Variants in AAMDC observed in about 807,000 individuals in gnomAD.
The protein encoded by AAMDC is adipogenesis associated Mth938 domain containing.
Under a neutral mutation model 15.5 loss-of-function variants are expected in AAMDC, and 16 were observed. That is an observed-to-expected ratio of 1.03 (90% CI 0.70 to 1.57). The LOEUF (loss-of-function observed/expected upper bound fraction) is 1.57. Among genes scored for constraint, AAMDC ranks in the 40% most tolerant of loss-of-function variants. The pLI is 0.00. For missense variants in AAMDC, 141 were observed against 144.9 expected, an observed-to-expected ratio of 0.97 and a Z score of 0.14; for synonymous variants, 51 against 51.6, an observed-to-expected ratio of 0.99 and a Z score of 0.05.
chr11:77,833,374 C>A (rs1949542664), intron 1 of AAMDC, among the ~76,000 whole-genome samples: 1 of 152,100 alleles, frequency 6.6e-6, no homozygotes, highest in Admixed American at 6.6e-5. Flanking sequence ...GATCATCAGG[C>A]ATTAGATTTT....
intron 2 of AAMDC, among the ~76,000 whole-genome samples, chr11:77,859,154 A>G (rs576896498): frequency 1.5e-4 from 23 of 152,312 alleles, no homozygotes; most frequent in African/African-American, 4.8e-4. Flanking sequence ...GGAGGAAACT[A>G]TGTCCTCCTG....
At chr11:77,830,337 G>A (rs1303818235) in intron 1 of AAMDC, among the ~76,000 whole-genome samples, 1 of 152,130 alleles carries the variant, frequency 6.6e-6, no homozygotes, top group Non-Finnish European at 1.5e-5. Context: ...AACTGATACT[G>A]CCCTGCCACC....
At chr11:77,836,369 T>C (rs549542406) in intron 1 of AAMDC, among the ~76,000 whole-genome samples, 1 of 151,952 alleles carries the variant, frequency 6.6e-6, no homozygotes, top group South Asian at 2.1e-4. Flanking sequence ...GGTGAATTTA[T>C]AAAAAGAGAA....
chr11:77,886,203 C>CA (rs1255429916), intron 5 of AAMDC, among the ~76,000 whole-genome samples: 5 of 150,066 alleles, frequency 3.3e-5, no homozygotes, highest in Non-Finnish European at 7.4e-5. Context: ...GACCTTGTCT[C>CA]AAAAAAAAGA....
intron 5 of AAMDC, chr11:77,900,516 T>C (rs1057454054): frequency 3.2e-6 from 2 of 616,132 alleles, no homozygotes; most frequent in Non-Finnish European, 5.8e-6. Context: ...AGTATGTTTC[T>C]GTGTTTAAGC....
At chr11:77,835,115 G>A (rs1449943363) in intron 1 of AAMDC, among the ~76,000 whole-genome samples, 1 of 152,180 alleles carries the variant, frequency 6.6e-6, no homozygotes, top group Non-Finnish European at 1.5e-5. Context: ...AGAACAGATA[G>A]ATCTAGCATT....
chr11:77,869,978 G>T, intron 3 of AAMDC, 161 bp downstream of exon 3: 1 of 582,008 alleles, frequency 1.7e-6, no homozygotes, highest in Non-Finnish European at 3.1e-6. Flanking sequence ...TGCCTCATCA[G>T]CGTTGGGCTC....
At chr11:77,836,185 C>G (rs907651976) in intron 1 of AAMDC, among the ~76,000 whole-genome samples, 1 of 150,794 alleles carries the variant, frequency 6.6e-6, no homozygotes, top group Non-Finnish European at 1.5e-5. Context: ...TTTCCTCAAA[C>G]ATATTTATTT....
intron 2 of AAMDC, chr11:77,855,439 C>T: frequency 1.2e-5 from 2 of 173,470 alleles, no homozygotes; most frequent in South Asian, 1.1e-4. Flanking sequence ...CCTGCCTCAG[C>T]CTCCCAAGTA....
chr11:77,875,916 G>C (rs943559212), downstream of AAMDC, among the ~76,000 whole-genome samples: 2 of 152,158 alleles, frequency 1.3e-5, no homozygotes, highest in Non-Finnish European at 2.9e-5. Context: ...GTTTGGGACA[G>C]GGAGTATGAG....
At chr11:77,826,320 C>A (rs533841505) in intron 1 of AAMDC, among the ~76,000 whole-genome samples, 13 of 151,738 alleles carry the variant, frequency 8.6e-5, no homozygotes, top group Admixed American at 5.9e-4. Context: ...CAAGATCACA[C>A]CATTGCACTC....
chr11:77,890,827 AGTGTCTCTACTACATTTCTCAT>A (rs1952231130), intron 5 of AAMDC, among the ~76,000 whole-genome samples: 1 of 152,224 alleles, frequency 6.6e-6, no homozygotes, highest in Non-Finnish European at 1.5e-5. Context: ...TGAATTGATT[AGTGTCTCTACTACATTTCTCAT>A]GTGTCTCTAT....
chr11:77,851,379 G>A (rs1267623621), intron 2 of AAMDC: 3 of 152,222 alleles, frequency 2.0e-5, no homozygotes, highest in Non-Finnish European at 2.9e-5. Flanking sequence ...TTCTGCTCAA[G>A]ACAGTTCTTC....
chr11:77,902,446 GAA>G (rs1389960146), downstream of AAMDC, among the ~76,000 whole-genome samples: 1 of 152,120 alleles, frequency 6.6e-6, no homozygotes, highest in Non-Finnish European at 1.5e-5. Flanking sequence ...CCAGGTCTGA[GAA>G]AGAGTCTGGA....
chr11:77,858,264 G>A (rs566705941), intron 2 of AAMDC, among the ~76,000 whole-genome samples: 7 of 143,976 alleles, frequency 4.9e-5, no homozygotes, highest in South Asian at 2.2e-4. Context: ...GTGCAATCTC[G>A]GCTCACTACA....
At chr11:77,877,247 C>T (rs563374041), downstream of AAMDC, among the ~76,000 whole-genome samples, 83 of 127,838 alleles carry the variant, frequency 6.5e-4, no homozygotes, top group African/African-American at 2.7e-3. Flanking sequence ...GATAACAGTA[C>T]CTAGAGAGTT....
chr11:77,872,332 G>T lies in AAMDC; in HGVS notation c.*17G>T, dbSNP rs750839929. ...ACCTGCTGATGGAGCCTTAAGAGGA[G>T]AATAAATCACTAAGTGCCTATGCCT... is the stretch of plus-strand genomic sequence containing the variant. On this transcript the variant is annotated 3_prime_UTR_variant, in exon 4 of 4. Coordinates refer to ENST00000393427, the MANE Select transcript of AAMDC (RefSeq NM_024684.4). The T allele has an allele frequency of 1.2e-5, 19 of 1,602,366 alleles. No individual in the cohort carries two copies. Among genetic ancestry groups the T allele is most frequent in the Non-Finnish European group, 1.5e-5 (18 of 1,175,170 alleles).
intron 2 of AAMDC, chr11:77,869,221 G>T (rs907696937): frequency 5.2e-6 from 1 of 193,926 alleles, no homozygotes; most frequent in Non-Finnish European, 1.1e-5. Context: ...GAAGATGGTT[G>T]TTCCAGCCAA....
At chr11:77,845,074 G>T (rs1433947687) in intron 2 of AAMDC, among the ~76,000 whole-genome samples, 10 of 152,018 alleles carry the variant, frequency 6.6e-5, no homozygotes, top group Admixed American at 6.6e-4. Context: ...GTCTAGGTAT[G>T]GATATCTTTG....
Sources: gnomAD v4.1 joint callset for allele counts (sites outside exome capture counted in the v4.1 genomes callset) on GRCh38, gnomAD v4.1.1 for gene constraint, MANE v1.5 for transcripts, NCBI Gene and HGNC (gene_info 2026-07-23, HGNC 2026-07-21) for gene names.